Variants in PTPRE observed in about 807,000 individuals in gnomAD.
The protein encoded by PTPRE is protein tyrosine phosphatase receptor type E.
A neutral mutation model predicts 102.0 loss-of-function variants in PTPRE; 51 were observed. The ratio of observed to expected loss-of-function variants is 0.50; its 90% CI spans 0.40 to 0.63. PTPRE has a LOEUF of 0.63. Ranked by LOEUF, PTPRE falls within the 30% of genes least tolerant of loss-of-function variation. The probability of loss-of-function intolerance (pLI) is 0.00; values close to 1 mark genes in which losing one functional copy is unlikely to be tolerated. For missense variants in PTPRE, 752 were observed against 915.1 expected (o/e 0.82, Z 2.30); for synonymous variants, 345 against 348.2 (o/e 0.99, Z 0.10).
chr10:127,974,939 C>T (rs1851031814), intron 1 of PTPRE, among the ~76,000 whole-genome samples: 1 of 152,090 alleles, frequency 6.6e-6, no homozygotes, highest in Non-Finnish European at 1.5e-5. Context: ...TAATGTTAAT[C>T]CAGAGTCCTA....
At chr10:127,956,327 TG>T (rs2135368763) in intron 1 of PTPRE, among the ~76,000 whole-genome samples, 1 of 152,318 alleles carries the variant, frequency 6.6e-6, no homozygotes, top group South Asian at 2.1e-4. Context: ...GAAGCCACAC[TG>T]CCAGCATCTC....
intron 1 of PTPRE, among the ~76,000 whole-genome samples, chr10:127,912,687 G>A (rs918561512): frequency 1.3e-5 from 2 of 152,232 alleles, no homozygotes; most frequent in Admixed American, 6.5e-5. Flanking sequence ...CAATGGAAGG[G>A]CTAGCATGGG....
chr10:127,932,004 TC>T (rs1370952769), intron 1 of PTPRE, among the ~76,000 whole-genome samples: 3 of 152,226 alleles, frequency 2.0e-5, no homozygotes, highest in Non-Finnish European at 2.9e-5. Context: ...ATTCTTTAAG[TC>T]AAGTTTCAAT....
At chr10:127,925,880 G>A (rs1846970888) in intron 1 of PTPRE, among the ~76,000 whole-genome samples, 1 of 152,094 alleles carries the variant, frequency 6.6e-6, no homozygotes, top group South Asian at 2.1e-4. Context: ...AGCCCACAAA[G>A]GACAAAAGGT....
At chr10:128,004,764 G>T (rs1685146337) in intron 2 of PTPRE, among the ~76,000 whole-genome samples, 1 of 152,178 alleles carries the variant, frequency 6.6e-6, no homozygotes, top group South Asian at 2.1e-4. Flanking sequence ...ATATACCTAG[G>T]AGTGGAATTT....
rs115532728 is a variant in PTPRE, at chr10:127,970,691, A to G, written c.-30-11583A>G. 7.4e-3 allele frequency among the ~76,000 whole-genome samples: 1,128 copies of G among 151,690 alleles called. 16 individuals carry two copies. Among genetic ancestry groups the G allele is most frequent in the African/African-American group, 0.026 (1,070 of 41,350 alleles). ...ACTCTGAAAACTGACAGTTTGGACT[A>G]TTCTTTTGTTAATCCTACAATGAGT... On this transcript the variant is annotated intron_variant, in intron 1 of 20. Coordinates refer to ENST00000254667, the MANE Select transcript of PTPRE (RefSeq NM_006504.6).
At chr10:127,960,523 G>A (rs1004680125) in intron 1 of PTPRE, among the ~76,000 whole-genome samples, 1 of 152,076 alleles carries the variant, frequency 6.6e-6, no homozygotes, top group African/African-American at 2.4e-5. Flanking sequence ...TGCCTCCCCC[G>A]AGTCCGGTCT....
chr10:128,078,105 A>G (rs1851385183), intron 19 of PTPRE, among the ~76,000 whole-genome samples: 1 of 152,178 alleles, frequency 6.6e-6, no homozygotes, highest in African/African-American at 2.4e-5. Flanking sequence ...GGCTCGGAGG[A>G]ACACACTCCT....
Position 128,040,944 on chromosome 10 carries a change from G to A in PTPRE, c.63G>A (p.Arg21=). ...GCTTGCCGCTCGCCAGGGCTCTCAG[G>A]GGCAACGAGACCACTGCCGACAGCA... ...GFSLPLARAL[R]GNETTADSNE... is the part of the protein sequence containing the mutation. Residue 21 remains arginine (R), a synonymous_variant, in exon 3 of 21, where the codon AGG becomes AGA. Coordinates refer to ENST00000254667, the MANE Select transcript of PTPRE (RefSeq NM_006504.6). The A allele has an allele frequency of 6.2e-7, 1 of 1,614,054 alleles. No homozygotes were observed. Among genetic ancestry groups the A allele is most frequent in the Non-Finnish European group, 8.5e-7 (1 of 1,179,998 alleles).
At chr10:127,919,378 CTT>C (rs1846433869) in intron 1 of PTPRE, among the ~76,000 whole-genome samples, 1 of 152,234 alleles carries the variant, frequency 6.6e-6, no homozygotes, top group African/African-American at 2.4e-5. Flanking sequence ...ATTCCATCTC[CTT>C]ATTTAGAGCC....
intron 1 of PTPRE, among the ~76,000 whole-genome samples, chr10:127,970,526 G>A (rs1850646859): frequency 6.6e-6 from 1 of 151,756 alleles, no homozygotes. Flanking sequence ...TAACTCATCT[G>A]TTGCGTTTTT....
At chr10:128,054,692 C>T (rs758680163) in intron 6 of PTPRE, among the ~76,000 whole-genome samples, 4 of 151,850 alleles carry the variant, frequency 2.6e-5, no homozygotes, top group Non-Finnish European at 5.9e-5. Flanking sequence ...GGTGCCCCAC[C>T]ATGAGCTCCA....
intron 2 of PTPRE, among the ~76,000 whole-genome samples, chr10:128,010,539 C>G (rs1185032121): frequency 1.1e-5 from 1 of 88,094 alleles, no homozygotes; most frequent in Non-Finnish European, 2.5e-5. Flanking sequence ...ACCGTCAAAC[C>G]CTGTTCCTTT....
chr10:128,054,219 G>A (rs1364646305), intron 6 of PTPRE, among the ~76,000 whole-genome samples: 2 of 152,120 alleles, frequency 1.3e-5, no homozygotes, highest in Non-Finnish European at 2.9e-5. Flanking sequence ...TGCAATTGAT[G>A]AACCAACACT....
intron 1 of PTPRE, among the ~76,000 whole-genome samples, chr10:127,960,529 G>A (rs12767640): frequency 1.3e-5 from 2 of 152,004 alleles, no homozygotes; most frequent in African/African-American, 4.8e-5. Flanking sequence ...CCCCGAGTCC[G>A]GTCTGACCGT....
rs542428046 is a variant in PTPRE, at chr10:127,930,715, A to G, written c.-31+23406A>G. Among the ~76,000 whole-genome samples the G allele has an allele frequency of 7.9e-5, 12 of 151,818 alleles. No homozygotes were observed. The East Asian group carries it at 1.5e-3, about 20-fold the overall frequency. The stretch of plus-strand genomic sequence containing the variant: ...AACTACTTTCTGTCATGGGTTCACC[A>G]TTTGCTTTTCCACCAGCAGTTGCTC... On this transcript the variant is annotated intron_variant, in intron 1 of 20. Transcript: ENST00000254667.
At chr10:127,960,119 C>G (rs1018818209) in intron 1 of PTPRE, among the ~76,000 whole-genome samples, 2 of 152,302 alleles carry the variant, frequency 1.3e-5, no homozygotes, top group South Asian at 2.1e-4. Flanking sequence ...AGACCAATCC[C>G]TCCAGCTTGG....
rs751546982 is a variant in PTPRE at position 128,077,716 on chromosome 10, G to T, written c.1825G>T (p.Asp609Tyr). 4 of 1,613,642 alleles carry T rather than the reference G, an allele frequency of 2.5e-6. No individual in the cohort carries two copies. The highest frequency in any genetic ancestry group is 1.3e-5 in the African/African-American group (1 of 75,038). Reference protein sequence around the residue: ...GIPAEGKGMIDLIAAVQKQQQ... With the variant: ...GIPAEGKGMIYLIAAVQKQQQ... ...TCCCGCCGAGGGCAAAGGCATGATT[G>T]ACCTCATCGCAGCCGTGCAGAAGCA... The change falls in exon 19 of 21, where the codon GAC (aspartate) becomes TAC (tyrosine). Residue 609 changes from aspartate to tyrosine, a missense_variant. Physicochemically the swap from Asp to Tyr is radical, Grantham distance 160. Coordinates refer to ENST00000254667, the MANE Select transcript of PTPRE (RefSeq NM_006504.6).
chr10:128,070,123 T>C lies in PTPRE; in HGVS notation c.1144-178T>C. ...GAGGCTCTGCTGCTACCGTTCTCCT[T>C]ACTCAAGGGCATAAATGGTCGTTAT... On this transcript the variant is annotated intron_variant, in intron 13 of 20. Coordinates refer to ENST00000254667, the MANE Select transcript of PTPRE (RefSeq NM_006504.6). This position sits in a 1 kb window ranked among gnomAD's most constrained non-coding sequence, Gnocchi z 4.8. 1 of 754,934 alleles carries C rather than the reference T, an allele frequency of 1.3e-6. No individual in the cohort carries two copies. Among genetic ancestry groups the C allele is most frequent in the Non-Finnish European group, 2.1e-6 (1 of 474,462 alleles). 46.8% of individuals were successfully genotyped at this position (754,934 alleles called of 1,614,324 possible). A position where few individuals can be genotyped will look rare whatever the true frequency, so the allele number is the denominator to read the frequency against.
Sources: allele counts gnomAD v4.1 joint callset (sites outside exome capture counted in the v4.1 genomes callset), GRCh38; gene constraint gnomAD v4.1.1; non-coding constraint Gnocchi (gnomAD v3.1); transcripts MANE v1.5; gene names NCBI Gene and HGNC (gene_info 2026-07-23, HGNC 2026-07-21).